Variants in CCSER1 observed in about 807,000 individuals in gnomAD.
CCSER1 encodes the protein coiled-coil serine rich protein 1, also known as serine-rich coiled-coil domain-containing protein 1.
Under a neutral mutation model 82.0 loss-of-function variants are expected in CCSER1, and 41 were observed. The observed-to-expected ratio is 0.50, with a 90% CI of 0.39 to 0.65. The LOEUF (loss-of-function observed/expected upper bound fraction) is 0.65. CCSER1 is among the 30% of genes least tolerant of loss of function. The pLI is 0.00. For synonymous variants in CCSER1, 414 were observed against 383.9 expected (o/e 1.08, Z -0.92); for missense variants, 1,119 against 1,064.2 (o/e 1.05, Z -0.72).
chr4:90,657,731 A>G (rs970708836), intron 6 of CCSER1, among the ~76,000 whole-genome samples: 1 of 152,166 alleles, frequency 6.6e-6, no homozygotes, highest in Non-Finnish European at 1.5e-5. Flanking sequence ...ACAGTTTTCA[A>G]TTCTCTGCTG....
chr4:90,589,340 A>G (rs1359683954), intron 5 of CCSER1, among the ~76,000 whole-genome samples: 2 of 152,036 alleles, frequency 1.3e-5, no homozygotes, highest in East Asian at 1.9e-4. Flanking sequence ...TATAGGGTTT[A>G]TAATTTTTTT....
chr4:90,802,411 A>G (rs2149705419), intron 7 of CCSER1, among the ~76,000 whole-genome samples: 1 of 151,338 alleles, frequency 6.6e-6, no homozygotes, highest in Non-Finnish European at 1.5e-5. Flanking sequence ...TAGTATTTCA[A>G]TAGTATTCAT....
intron 5 of CCSER1, among the ~76,000 whole-genome samples, chr4:90,571,865 T>C (rs2153654424): frequency 6.6e-6 from 1 of 152,308 alleles, no homozygotes; most frequent in Non-Finnish European, 1.5e-5. Context: ...GTAACTATTA[T>C]TTTTAATGGT....
At chr4:90,762,823 G>A (rs1309790797) in intron 7 of CCSER1, among the ~76,000 whole-genome samples, 1 of 152,104 alleles carries the variant, frequency 6.6e-6, no homozygotes, top group African/African-American at 2.4e-5. Context: ...CTTTGCAGAT[G>A]TGACCAAATT....
chr4:90,412,123 A>G (rs1300812177), intron 4 of CCSER1, among the ~76,000 whole-genome samples: 3 of 152,078 alleles, frequency 2.0e-5, no homozygotes, highest in African/African-American at 7.2e-5. Flanking sequence ...ACCATGGAAT[A>G]CTATGCAGCC....
chr4:91,047,928 A>G (rs1187035777), intron 9 of CCSER1, among the ~76,000 whole-genome samples: 2 of 152,124 alleles, frequency 1.3e-5, no homozygotes, highest in Admixed American at 6.5e-5. Context: ...AGCAATAAAC[A>G]TGTATGTGTT....
intron 1 of CCSER1, among the ~76,000 whole-genome samples, chr4:90,157,661 T>C (rs189984948): frequency 2.0e-4 from 31 of 152,330 alleles, no homozygotes; most frequent in Middle Eastern, 3.4e-3. Flanking sequence ...TCCAGTTGAT[T>C]GCATCGGCTC....
intron 8 of CCSER1, among the ~76,000 whole-genome samples, chr4:90,837,494 T>A (rs988503683): frequency 7.9e-5 from 12 of 152,166 alleles, no homozygotes; most frequent in African/African-American, 2.9e-4. Context: ...ATCTGTAAAA[T>A]GGAGATTATA....
chr4:91,027,668 C>A (rs567879547), intron 9 of CCSER1, among the ~76,000 whole-genome samples: 57 of 152,106 alleles, frequency 3.7e-4, no homozygotes, highest in Non-Finnish European at 6.9e-4. Context: ...CTTCCCACTC[C>A]AAACACAGCA....
At chr4:90,427,778 T>C (rs927412175) in intron 4 of CCSER1, among the ~76,000 whole-genome samples, 2 of 151,800 alleles carry the variant, frequency 1.3e-5, no homozygotes, top group African/African-American at 4.8e-5. Context: ...TATATTTATA[T>C]GTGCTAATTT....
intron 10 of CCSER1, among the ~76,000 whole-genome samples, chr4:91,351,384 A>T (rs1748460821): frequency 6.6e-6 from 1 of 152,052 alleles, no homozygotes; most frequent in South Asian, 2.1e-4. Flanking sequence ...ATTGATAAAA[A>T]ATGAGATTCT....
chr4:91,023,212 G>A (rs1489555670), intron 9 of CCSER1, among the ~76,000 whole-genome samples: 16 of 152,062 alleles, frequency 1.1e-4, no homozygotes, highest in African/African-American at 3.4e-4. Flanking sequence ...AATCAATATC[G>A]TGAAAATGGC....
At chr4:90,489,584 A>G (rs1386204196) in intron 5 of CCSER1, among the ~76,000 whole-genome samples, 1 of 152,138 alleles carries the variant, frequency 6.6e-6, no homozygotes, top group Non-Finnish European at 1.5e-5. Context: ...GGTTTGTTAC[A>G]TATGTATACA....
At chr4:90,411,865 A>G (rs1754898700) in intron 4 of CCSER1, among the ~76,000 whole-genome samples, 1 of 152,184 alleles carries the variant, frequency 6.6e-6, no homozygotes, top group Non-Finnish European at 1.5e-5. Context: ...TTGTACATCT[A>G]GAAAACCCCA....
intron 8 of CCSER1, among the ~76,000 whole-genome samples, chr4:90,827,634 T>G (rs1002184667): frequency 1.3e-5 from 2 of 152,186 alleles, no homozygotes; most frequent in African/African-American, 4.8e-5. Flanking sequence ...TCTTTATATT[T>G]GAGTTAAACA....
chr4:91,158,635 TG>T (rs1204480426), intron 10 of CCSER1, among the ~76,000 whole-genome samples: 2 of 151,892 alleles, frequency 1.3e-5, no homozygotes, highest in African/African-American at 4.8e-5. Flanking sequence ...TGTGTGTGTG[TG>T]TGTGTGTGTG....
chr4:91,044,307 C>A (rs1374295403), intron 9 of CCSER1, among the ~76,000 whole-genome samples: 14 of 152,138 alleles, frequency 9.2e-5, no homozygotes, highest in Non-Finnish European at 2.1e-4. Flanking sequence ...CATTTGAAAT[C>A]TACTTTAGAA....
At chr4:91,450,158 T>C (rs1170079394) in intron 10 of CCSER1, among the ~76,000 whole-genome samples, 1 of 152,042 alleles carries the variant, frequency 6.6e-6, no homozygotes, top group Non-Finnish European at 1.5e-5. Context: ...TGCAAGAGAA[T>C]TGTCTTACTT....
intron 5 of CCSER1, among the ~76,000 whole-genome samples, chr4:90,621,921 G>T (rs1337950590): frequency 1.3e-5 from 2 of 152,146 alleles, no homozygotes; most frequent in Non-Finnish European, 2.9e-5. Flanking sequence ...GAAACCTCAT[G>T]CAAGTTCAAT....
Sources: allele counts gnomAD v4.1 joint callset (sites outside exome capture counted in the v4.1 genomes callset), GRCh38; gene constraint gnomAD v4.1.1; transcripts MANE v1.5; gene names NCBI Gene and HGNC (gene_info 2026-07-23, HGNC 2026-07-21).